ME1: variants seen among roughly 807,000 people sequenced by gnomAD.
The protein encoded by ME1 is NADP-dependent malic enzyme.
Under a neutral mutation model 66.4 loss-of-function variants are expected in ME1, and 74 were observed. That is an observed-to-expected ratio of 1.11 (90% CI 0.92 to 1.35). ME1 has a LOEUF of 1.35. ME1 is among the 40% of genes most tolerant of loss of function. The pLI is 0.00. For missense variants in ME1, 750 were observed against 694.1 expected, an observed-to-expected ratio of 1.08 and a Z score of -0.90; for synonymous variants, 251 against 235.6, an observed-to-expected ratio of 1.07 and a Z score of -0.60.
chr6:83,343,732 T>C (rs1768633207), intron 5 of ME1, among the ~76,000 whole-genome samples: 1 of 152,108 alleles, frequency 6.6e-6, no homozygotes, highest in Non-Finnish European at 1.5e-5. Context: ...GATAGAAATG[T>C]AATAACATAA....
chr6:83,370,213 T>A (rs1164731204), intron 3 of ME1, among the ~76,000 whole-genome samples: 1 of 152,132 alleles, frequency 6.6e-6, no homozygotes, highest in Non-Finnish European at 1.5e-5. Context: ...AGCTGACAAA[T>A]CCCTGTCTTT....
At chr6:83,251,477 G>C (rs1327840641) in intron 7 of ME1, among the ~76,000 whole-genome samples, 1 of 149,888 alleles carries the variant, frequency 6.7e-6, no homozygotes, top group Non-Finnish European at 1.5e-5. Context: ...CCGGGCAATA[G>C]AGCAAGACTC....
intron 6 of ME1, among the ~76,000 whole-genome samples, chr6:83,281,775 G>A (rs192324042): frequency 2.4e-3 from 274 of 114,032 alleles, no homozygotes; most frequent in African/African-American, 8.4e-3. Context: ...CACTGCACTC[G>A]AGCCTGGGTG....
intron 6 of ME1, among the ~76,000 whole-genome samples, chr6:83,305,946 T>G (rs1055630740): frequency 6.6e-6 from 1 of 152,184 alleles, no homozygotes; most frequent in African/African-American, 2.4e-5. Flanking sequence ...ATAGATGGTC[T>G]TTCAAAAGGA....
chr6:83,342,261 G>A (rs1465783694), intron 5 of ME1, among the ~76,000 whole-genome samples: 1 of 152,202 alleles, frequency 6.6e-6, no homozygotes, highest in African/African-American at 2.4e-5. Context: ...ACCCTGTGGA[G>A]TATGCTTTCA....
chr6:83,220,989 T>C (rs988192319), intron 12 of ME1, among the ~76,000 whole-genome samples: 1 of 152,040 alleles, frequency 6.6e-6, no homozygotes, highest in African/African-American at 2.4e-5. Context: ...TGAAACCCCG[T>C]CTCTACTAAA....
Position 83,223,931 on chromosome 6 carries a change from T to A in ME1, c.1278A>T (p.Gly426=), listed in dbSNP as rs749779407. Residue 426 remains glycine, a splice_region_variant and synonymous_variant, in exon 12 of 14, where the codon GGA becomes GGT. Coordinates refer to ENST00000369705, the MANE Select transcript of ME1 (RefSeq NM_002395.6). ...GACTGCCACTGGCAAAAATTGCACG[T>A]CCCTACAACAAAGACACATACAACT... ...SAEQCYKITK[G]RAIFASGSPF... is the part of the protein sequence containing the mutation. 7.4e-6 allele frequency: 12 copies of A among 1,613,386 alleles called. No homozygotes were observed. In the East Asian group the frequency reaches 2.7e-4, roughly 36 times the overall value.
intron 1 of ME1, among the ~76,000 whole-genome samples, chr6:83,412,358 T>C (rs1024409465): frequency 1.3e-5 from 2 of 152,242 alleles, no homozygotes; most frequent in East Asian, 1.9e-4. Flanking sequence ...ATGATTATAT[T>C]ACGGCAGAGA....
At chr6:83,383,765 C>A (rs1400695447) in intron 3 of ME1, among the ~76,000 whole-genome samples, 2 of 151,666 alleles carry the variant, frequency 1.3e-5, no homozygotes, top group Non-Finnish European at 2.9e-5. Context: ...AGCCACCAAT[C>A]ATATTAAGAT....
At chr6:83,307,786 G>A (rs947944485) in intron 6 of ME1, among the ~76,000 whole-genome samples, 1 of 139,024 alleles carries the variant, frequency 7.2e-6, no homozygotes, top group East Asian at 2.0e-4. Context: ...AGAGTTGGAC[G>A]AAACTCTATC....
Position 83,242,737 on chromosome 6 carries a change from G to A in ME1, c.815-3101C>T, listed in dbSNP as rs181700846. On this transcript the variant is annotated intron_variant, in intron 7 of 13. Coordinates refer to ENST00000369705, the MANE Select transcript of ME1 (RefSeq NM_002395.6). ...AAAATTAAAAAGACTAAGAGAAAAG[G>A]GTAGCAAAAAAGGGTAGCAACAACA... Among the ~76,000 whole-genome samples the A allele has an allele frequency of 2.0e-4, 30 of 152,064 alleles. No homozygotes were observed. The East Asian group carries it at 5.2e-3, about 26-fold the overall frequency.
At chr6:83,352,717 C>T (rs1768825148) in intron 3 of ME1, among the ~76,000 whole-genome samples, 1 of 152,146 alleles carries the variant, frequency 6.6e-6, no homozygotes, top group South Asian at 2.1e-4. Flanking sequence ...TTTAACACTG[C>T]TTGCCCCTCC....
chr6:83,218,710 TTGCCCTTTTCCA>T (rs1790036003), intron 12 of ME1, among the ~76,000 whole-genome samples: 1 of 152,206 alleles, frequency 6.6e-6, no homozygotes, highest in African/African-American at 2.4e-5. Flanking sequence ...AAAGAGATGT[TTGCCCTTTTCCA>T]TGCCCTTCCT....
chr6:83,223,079 C>CA (rs1459618475), intron 12 of ME1, among the ~76,000 whole-genome samples: 1 of 152,216 alleles, frequency 6.6e-6, no homozygotes, highest in Admixed American at 6.5e-5. Flanking sequence ...TTTAAACCTT[C>CA]AAAATGCCAT....
At chr6:83,241,477 A>G (rs1004647513) in intron 7 of ME1, among the ~76,000 whole-genome samples, 2 of 152,190 alleles carry the variant, frequency 1.3e-5, no homozygotes, top group East Asian at 3.8e-4. Flanking sequence ...TTAATTTCAT[A>G]TGGTTATGCT....
rs370112407 is a variant in ME1, at chr6:83,294,245, T to C, written c.704+21065A>G. Among the ~76,000 whole-genome samples, 36 of 152,356 alleles carry C rather than the reference T, an allele frequency of 2.4e-4. No homozygotes were observed. In the East Asian group the frequency reaches 6.2e-3, roughly 26 times the overall value. ...ACTGCTAATTTTACACTGTAAATCATTGGAAAAAGAAACACTATTTCATCC... is the reference window on the plus strand; with the variant it reads ...ACTGCTAATTTTACACTGTAAATCACTGGAAAAAGAAACACTATTTCATCC... On this transcript the variant is annotated intron_variant, in intron 6 of 13. Transcript: ENST00000369705.
At chr6:83,281,044 T>C (rs1244858452) in intron 6 of ME1, among the ~76,000 whole-genome samples, 2 of 152,168 alleles carry the variant, frequency 1.3e-5, no homozygotes. Flanking sequence ...GAATCTAACT[T>C]TACAAAAATA....
intron 1 of ME1, among the ~76,000 whole-genome samples, chr6:83,425,649 G>T (rs887283965): frequency 1.3e-5 from 2 of 152,058 alleles, no homozygotes; most frequent in Non-Finnish European, 2.9e-5. Context: ...ACAACACATG[G>T]GGATTATGGG....
chr6:83,313,614 C>T (rs764263121), intron 6 of ME1, among the ~76,000 whole-genome samples: 2 of 152,118 alleles, frequency 1.3e-5, no homozygotes, highest in Non-Finnish European at 2.9e-5. Context: ...TTCCTTTCCT[C>T]TTATATAGCC....
Sources: gnomAD v4.1 joint callset for allele counts (sites outside exome capture counted in the v4.1 genomes callset) on GRCh38, gnomAD v4.1.1 for gene constraint, MANE v1.5 for transcripts, NCBI Gene and HGNC (gene_info 2026-07-23, HGNC 2026-07-21) for gene names.